Variants in ANKRD36C observed in about 807,000 individuals in gnomAD.
ANKRD36C encodes ankyrin repeat domain 36C.
A neutral mutation model predicts 276.4 loss-of-function variants in ANKRD36C; 61 were observed. The observed-to-expected ratio is 0.22, with a 90% confidence interval of 0.18 to 0.27. The LOEUF (loss-of-function observed/expected upper bound fraction) is 0.27, where lower values mean the gene tolerates loss of function less well. Among genes scored for constraint, ANKRD36C ranks in the 10% least tolerant of loss-of-function variants. The pLI is 1.00. For synonymous variants in ANKRD36C, 483 were observed against 680.1 expected (o/e 0.71, Z 4.51); for missense variants, 1,447 against 2,032.3 (o/e 0.71, Z 5.54).
In ANKRD36C at chr2:95,919,713, G is replaced by C; in HGVS notation, c.2246-1671C>G. 1.2e-6 allele frequency: 1 copy of C among 823,082 alleles called. No individual in the cohort carries two copies. The highest frequency in any genetic ancestry group is 1.4e-6 in the Non-Finnish European group (1 of 692,664). The allele number at this position is 823,082 out of a possible 1,614,324, so 51.0% of individuals were successfully genotyped here. A position where few individuals can be genotyped will look rare whatever the true frequency, so the allele number is the denominator to read the frequency against. On this transcript the variant is annotated intron_variant, in intron 34 of 66. Coordinates refer to ENST00000456556, the Ensembl canonical transcript of ANKRD36C. ...TTTTATCTGGATTGAACATGACATT[G>C]AATGTGTTTTGCAAATTACCTGTCT...
intron 42 of ANKRD36C, among the ~76,000 whole-genome samples, chr2:95,911,343 A>C (rs1676917610): frequency 1.3e-5 from 2 of 151,486 alleles, no homozygotes; most frequent in South Asian, 4.1e-4. Flanking sequence ...TACATTCAGA[A>C]ATCATTCCAG....
chr2:95,944,231 T>C (rs1281410378), intron 19 of ANKRD36C, among the ~76,000 whole-genome samples: 2 of 152,240 alleles, frequency 1.3e-5, no homozygotes, highest in Non-Finnish European at 1.5e-5. Flanking sequence ...TTGACACTCT[T>C]ATTCAACTCT....
intron 1 of ANKRD36C, among the ~76,000 whole-genome samples, chr2:95,990,187 C>T (rs1196010028): frequency 2.0e-5 from 3 of 152,148 alleles, no homozygotes; most frequent in Admixed American, 6.5e-5. Context: ...CATTCCATAA[C>T]GAACTTATTT....
intron 42 of ANKRD36C, among the ~76,000 whole-genome samples, chr2:95,901,882 T>C (rs1165929890): frequency 1.4e-5 from 2 of 147,834 alleles, no homozygotes; most frequent in Non-Finnish European, 3.0e-5. Context: ...AAGGATAATA[T>C]ATTAGCCTCA....
chr2:95,974,192 G>C (rs1678758080), intron 6 of ANKRD36C, among the ~76,000 whole-genome samples: 1 of 152,200 alleles, frequency 6.6e-6, no homozygotes, highest in Non-Finnish European at 1.5e-5. Context: ...TTAAAACTAT[G>C]TCAAGTTTGA....
At chr2:95,916,988 T>C (rs1467303498) in intron 36 of ANKRD36C, among the ~76,000 whole-genome samples, 1 of 151,624 alleles carries the variant, frequency 6.6e-6, no homozygotes, top group Non-Finnish European at 1.5e-5. Context: ...TAGGAGTTAA[T>C]TAGAATCCAG....
chr2:95,867,074 G>A (rs1239097083), intron 60 of ANKRD36C, among the ~76,000 whole-genome samples: 2 of 152,170 alleles, frequency 1.3e-5, no homozygotes, highest in Non-Finnish European at 2.9e-5. Context: ...AATTATGATT[G>A]CAGAACAGGC....
intron 1 of ANKRD36C, among the ~76,000 whole-genome samples, chr2:95,988,057 G>A (rs1192427415): frequency 2.0e-5 from 3 of 150,588 alleles, no homozygotes; most frequent in East Asian, 3.9e-4. Context: ...CACCCAATCC[G>A]TGATGCCTTA....
At chr2:95,976,543 T>G (rs1421597753) in intron 6 of ANKRD36C, among the ~76,000 whole-genome samples, 5 of 152,158 alleles carry the variant, frequency 3.3e-5, no homozygotes, top group Non-Finnish European at 5.9e-5. Flanking sequence ...AGACCACAGT[T>G]TTTCTCACAC....
rs533340112 is a variant in ANKRD36C, at chr2:95,971,396, A to G, written c.799+6726T>C. Among the ~76,000 whole-genome samples, 36 of 144,456 alleles carry G rather than the reference A, an allele frequency of 2.5e-4. 1 individual carries two copies. The East Asian group carries it at 8.3e-3, about 33-fold the overall frequency. 94.8% of individuals were successfully genotyped at this position (144,456 alleles called of 152,430 possible). ...ACCACTCAGGTGGGAGATATTGATA[A>G]TGGGGGGAGCTATGCATGTGAGGGG... On this transcript the variant is annotated intron_variant, in intron 6 of 66. Coordinates refer to ENST00000456556, the Ensembl canonical transcript of ANKRD36C.
chr2:95,930,237 A>G (rs1304874737), intron 24 of ANKRD36C, among the ~76,000 whole-genome samples: 1 of 151,610 alleles, frequency 6.6e-6, no homozygotes, highest in Non-Finnish European at 1.5e-5. Context: ...TCATTTGAAT[A>G]ACCAATGTCA....
chr2:95,972,238 G>A (rs1017656173), intron 6 of ANKRD36C, among the ~76,000 whole-genome samples: 1 of 152,174 alleles, frequency 6.6e-6, no homozygotes, highest in Non-Finnish European at 1.5e-5. Flanking sequence ...CATAAACAAT[G>A]TGGTTGACTC....
intron 24 of ANKRD36C, among the ~76,000 whole-genome samples, chr2:95,934,886 C>T (rs1263418654): frequency 1.4e-3 from 201 of 143,732 alleles, no homozygotes; most frequent in African/African-American, 2.4e-3. Flanking sequence ...ACCAAAGAGT[C>T]ACCAAAAAAT....
intron 15 of ANKRD36C, among the ~76,000 whole-genome samples, chr2:95,951,144 ACG>A (rs377321091): frequency 1.5e-3 from 230 of 151,912 alleles, no homozygotes; most frequent in South Asian, 2.7e-3. Context: ...GTGGTGGTGC[ACG>A]CCTGTAATCC....
At chr2:95,863,139 G>C (rs1370848465) in intron 60 of ANKRD36C, among the ~76,000 whole-genome samples, 1 of 152,068 alleles carries the variant, frequency 6.6e-6, no homozygotes, top group Non-Finnish European at 1.5e-5. Context: ...CAAATTACTA[G>C]TTTCAGAAAT....
intron 8 of ANKRD36C, 90 bp downstream of exon 8, chr2:95,962,262 G>T (rs1287337347): frequency 4.2e-6 from 6 of 1,412,766 alleles, no homozygotes; most frequent in African/African-American, 1.5e-5. Context: ...AGAATGTGCA[G>T]ATTCAATGAG....
exon 3 of ANKRD36C, chr2:95,986,871 G>A (rs781060216): frequency 5.6e-6 from 9 of 1,611,778 alleles, no homozygotes; most frequent in African/African-American, 1.3e-5. Context: ...TATTTGGATC[G>A]GCGCCATTTT....
intron 44 of ANKRD36C, among the ~76,000 whole-genome samples, 163 bp downstream of exon 60, chr2:95,897,107 C>A (rs1425276219): frequency 1.3e-5 from 2 of 150,320 alleles, no homozygotes; most frequent in Non-Finnish European, 3.0e-5. Context: ...ACGTTCCAGA[C>A]CAGCAGCATC....
intron 40 of ANKRD36C, 100 bp downstream of exon 42, chr2:95,914,008 G>C (rs1677011718): frequency 8.2e-7 from 1 of 1,225,096 alleles, no homozygotes; most frequent in Non-Finnish European, 1.1e-6. Flanking sequence ...TGCTGTATCA[G>C]AATGTGCAGC....
Sources: gnomAD v4.1 joint callset for allele counts (sites outside exome capture counted in the v4.1 genomes callset) on GRCh38, gnomAD v4.1.1 for gene constraint, MANE v1.5 for transcripts, NCBI Gene and HGNC (gene_info 2026-07-23, HGNC 2026-07-21) for gene names.